DCBLD1: variants seen among roughly 807,000 people sequenced by gnomAD.
DCBLD1 encodes the protein discoidin, CUB and LCCL domain containing 1, also known as discoidin, CUB and LCCL domain-containing protein 1.
Under a neutral mutation model 71.5 loss-of-function variants are expected in DCBLD1, and 57 were observed. The ratio of observed to expected loss-of-function variants is 0.80; its 90% CI spans 0.64 to 0.99. The LOEUF (loss-of-function observed/expected upper bound fraction) is 0.99, where lower values mean the gene tolerates loss of function less well. Ranked by LOEUF, DCBLD1 falls within the 50% of genes least tolerant of loss-of-function variation. The probability of loss-of-function intolerance (pLI) is 0.00; values close to 1 mark genes in which losing one functional copy is unlikely to be tolerated. For missense variants in DCBLD1, 891 were observed against 923.5 expected, an observed-to-expected ratio of 0.96 and a Z score of 0.46; for synonymous variants, 380 against 363.8, an observed-to-expected ratio of 1.04 and a Z score of -0.51.
intron 13 of DCBLD1, 80 bp downstream of exon 13, chr6:117,544,657 C>G: frequency 2.0e-6 from 3 of 1,472,528 alleles, no homozygotes; most frequent in Non-Finnish European, 2.8e-6. Context: ...ATAAGGAGGC[C>G]AGTGGCCCAC....
intron 5 of DCBLD1, 119 bp downstream of exon 5, chr6:117,525,553 C>T: frequency 1.5e-6 from 1 of 652,856 alleles, no homozygotes; most frequent in Non-Finnish European, 2.3e-6. Context: ...ATGCATGAGT[C>T]TCTCTCCTCT....
At position 117,526,770 on chromosome 6, in the gene DCBLD1, A is replaced by G. The variant is rs774398081; in HGVS notation, c.585+1336A>G. On this transcript the variant is annotated intron_variant, in intron 5 of 14. Coordinates refer to ENST00000338728, the MANE Select transcript of DCBLD1 (RefSeq NM_001366458.2). ...ATTAGTGCCTTTTTTGTGTATGTCA[A>G]TGTCATGGATGTATTAGATATTTAT... Among the ~76,000 whole-genome samples the G allele has an allele frequency of 5.3e-5, 8 of 152,234 alleles. No homozygotes were observed. The East Asian group carries it at 5.8e-4, about 11-fold the overall frequency.
chr6:117,560,077 A>C (rs913830901), intron 14 of DCBLD1, among the ~76,000 whole-genome samples: 5 of 152,236 alleles, frequency 3.3e-5, no homozygotes, highest in Admixed American at 1.3e-4. Flanking sequence ...TAGATGTCAA[A>C]ATGGAAGAAT....
At chr6:117,537,267 G>A (rs770534890) in intron 7 of DCBLD1, 42 bp downstream of exon 7, 19 of 1,598,120 alleles carry the variant, frequency 1.2e-5, no homozygotes, top group Non-Finnish European at 1.5e-5. Context: ...ATTTTCGGTG[G>A]CTCACGCCTA....
chr6:117,520,563 T>A (rs1200229539), intron 3 of DCBLD1, among the ~76,000 whole-genome samples: 1 of 152,178 alleles, frequency 6.6e-6, no homozygotes, highest in Non-Finnish European at 1.5e-5. Flanking sequence ...ACGGGAGGCA[T>A]GCACAGTGTG....
chr6:117,502,745 T>A (rs1395235137), intron 1 of DCBLD1, among the ~76,000 whole-genome samples: 2 of 152,042 alleles, frequency 1.3e-5, no homozygotes, highest in East Asian at 3.8e-4. Context: ...TTTTGCTTCA[T>A]TTATGTGAAG....
At chr6:117,514,668 T>C (rs2114468773) in intron 2 of DCBLD1, among the ~76,000 whole-genome samples, 1 of 152,204 alleles carries the variant, frequency 6.6e-6, no homozygotes, top group East Asian at 1.9e-4. Flanking sequence ...GTTACAATTT[T>C]GCAGCACAGT....
chr6:117,537,468 A>G (rs1396147793), intron 7 of DCBLD1, among the ~76,000 whole-genome samples: 1 of 150,874 alleles, frequency 6.6e-6, no homozygotes, highest in Non-Finnish European at 1.5e-5. Flanking sequence ...CGGGAGGCGG[A>G]GCTTGCAGTG....
intron 14 of DCBLD1, chr6:117,560,481 G>T (rs1251709968): frequency 1.0e-5 from 2 of 193,192 alleles, no homozygotes; most frequent in Non-Finnish European, 2.2e-5. Context: ...GTCAAATACT[G>T]TGCATCTTAC....
At chr6:117,546,634 C>T (rs992136777) in intron 14 of DCBLD1, among the ~76,000 whole-genome samples, 2 of 152,152 alleles carry the variant, frequency 1.3e-5, no homozygotes, top group African/African-American at 4.8e-5. Context: ...CTCCTCCCTC[C>T]TCCCTGAATG....
intron 6 of DCBLD1, among the ~76,000 whole-genome samples, chr6:117,536,502 C>T (rs1039533325): frequency 6.6e-6 from 1 of 152,202 alleles, no homozygotes; most frequent in Non-Finnish European, 1.5e-5. Context: ...GCAATCATTT[C>T]TCCTGTGATA....
chr6:117,533,154 C>T (rs1428809310), intron 6 of DCBLD1, among the ~76,000 whole-genome samples: 1 of 152,184 alleles, frequency 6.6e-6, no homozygotes, highest in Non-Finnish European at 1.5e-5. Flanking sequence ...CTGTATTTCT[C>T]TCTCTCATTC....
chr6:117,551,570 G>A (rs187466821), downstream of DCBLD1, among the ~76,000 whole-genome samples: 244 of 152,082 alleles, frequency 1.6e-3, no homozygotes, highest in African/African-American at 5.8e-3. Context: ...TAGTAGAGAC[G>A]GGGTTTCACC....
chr6:117,561,721 C>T lies in DCBLD1; in HGVS notation c.1616-7899C>T, dbSNP rs192941978. 488 of 206,002 alleles carry T rather than the reference C, an allele frequency of 2.4e-3. 3 individuals are homozygous for T. The highest frequency in any genetic ancestry group is 0.01 in the African/African-American group (460 of 44,000). The allele number at this position is 206,002 out of a possible 1,614,324, so 12.8% of individuals were successfully genotyped here. ...GTATTTTAATGTCAGTAACAATATA[C>T]ACTACGAAGTGCACTTCCATTACAA... On this transcript the variant is annotated intron_variant, in intron 14 of 14. Transcript: ENST00000296955.
chr6:117,498,408 C>A (rs1043359508), intron 1 of DCBLD1, among the ~76,000 whole-genome samples: 9 of 152,108 alleles, frequency 5.9e-5, no homozygotes, highest in Non-Finnish European at 8.8e-5. Context: ...AAATTACAGT[C>A]GAAAGGAAGG....
Position 117,548,732 on chromosome 6 carries a change from G to A in DCBLD1, c.*293G>A. 7.4e-7 allele frequency: 1 copy of A among 1,343,234 alleles called. No individual in the cohort carries two copies. The highest frequency in any genetic ancestry group is 1.6e-5 in the South Asian group (1 of 60,918). The allele number at this position is 1,343,234 out of a possible 1,614,324, so 83.2% of individuals were successfully genotyped here. ...CTGACTGATATTGAGCTGCTTTGGT[G>A]TTAAAGGTGTAATGTGTACAGAGTT... is the stretch of plus-strand genomic sequence containing the variant. On this transcript the variant is annotated 3_prime_UTR_variant, in exon 15 of 15. Transcript: ENST00000338728.
Position 117,482,819 on chromosome 6 carries a change from G to A in DCBLD1, c.38G>A (p.Arg13Gln), listed in dbSNP as rs900021626. 44 of 1,164,326 alleles carry A rather than the reference G, an allele frequency of 3.8e-5. No homozygotes were observed. Among genetic ancestry groups the A allele is most frequent in the Non-Finnish European group, 4.3e-5 (41 of 945,816 alleles). The allele number at this position is 1,164,326 out of a possible 1,614,324, so 72.1% of individuals were successfully genotyped here. Residue 13 changes from arginine (R) to glutamine (Q), a missense_variant, in exon 1 of 15, where the codon CGG becomes CAG. Coordinates refer to ENST00000338728, the MANE Select transcript of DCBLD1 (RefSeq NM_001366458.2). ...GCCCGCGGCGGCGGCGCACTGGCGC[G>A]GGCTGCCGGGCGGGGCCTCCTGGCT... ...PGARGGGALA[R>Q]AAGRGLLALL...
At chr6:117,509,767 C>G (rs1777956655) in intron 2 of DCBLD1, among the ~76,000 whole-genome samples, 1 of 152,176 alleles carries the variant, frequency 6.6e-6, no homozygotes, top group Non-Finnish European at 1.5e-5. Context: ...CTACCCTACT[C>G]CTCCTGGTGG....
chr6:117,498,736 C>T (rs1562432587), intron 1 of DCBLD1, among the ~76,000 whole-genome samples: 1 of 152,086 alleles, frequency 6.6e-6, no homozygotes, highest in African/African-American at 2.4e-5. Flanking sequence ...TCTGCATCAC[C>T]TCTTTTTTGC....
Sources: gnomAD v4.1 joint callset for allele counts (sites outside exome capture counted in the v4.1 genomes callset) on GRCh38, gnomAD v4.1.1 for gene constraint, MANE v1.5 for transcripts, NCBI Gene and HGNC (gene_info 2026-07-23, HGNC 2026-07-21) for gene names.